SS18L1: variants seen among roughly 807,000 people sequenced by gnomAD.
The protein encoded by SS18L1 is SS18L1 subunit of BAF chromatin remodeling complex, also known as calcium-responsive transactivator.
A neutral mutation model predicts 70.3 loss-of-function variants in SS18L1; 32 were observed. The ratio of observed to expected loss-of-function variants is 0.46; its 90% CI spans 0.34 to 0.61. The LOEUF (loss-of-function observed/expected upper bound fraction) is 0.61, where lower values mean the gene tolerates loss of function less well. Among genes scored for constraint, SS18L1 ranks in the 20% least tolerant of loss-of-function variants. The pLI is 0.01. For synonymous variants in SS18L1, 237 were observed against 229.7 expected (o/e 1.03, Z -0.29); for missense variants, 430 against 542.1 (o/e 0.79, Z 2.05).
At chr20:62,162,394 C>T (rs554463908) in intron 4 of SS18L1, among the ~76,000 whole-genome samples, 76 of 152,228 alleles carry the variant, frequency 5.0e-4, no homozygotes, top group African/African-American at 1.6e-3. Context: ...CTCCGCCTCC[C>T]GGGTTAAAGC....
At chr20:62,172,833 C>T (rs775005887) in intron 9 of SS18L1, 32 bp downstream of exon 9, 20 of 1,605,272 alleles carry the variant, frequency 1.2e-5, no homozygotes, top group Non-Finnish European at 8.5e-6. Flanking sequence ...CGGGGCCCCC[C>T]AGCGCCCACC....
intron 1 of SS18L1, among the ~76,000 whole-genome samples, chr20:62,146,917 T>C (rs1031848680): frequency 2.6e-5 from 4 of 152,040 alleles, no homozygotes; most frequent in African/African-American, 9.7e-5. Context: ...TGAGCCACCA[T>C]GCCTGGCCTC....
At position 62,144,345 on chromosome 20, in the gene SS18L1, G is replaced by C. The variant is rs935618253; in HGVS notation, c.69+456G>C. Among the ~76,000 whole-genome samples, 9 of 152,204 alleles carry C rather than the reference G, an allele frequency of 5.9e-5. No individual in the cohort carries two copies. In the South Asian group the frequency reaches 1.9e-3, roughly 31 times the overall value. ...CGACGGCGGGCGGTACTCGTTTTCT[G>C]CGCTCATTTTGGTTAGTGGTGAGGG... On this transcript the variant is annotated intron_variant, in intron 1 of 10. Transcript: ENST00000331758.
intron 8 of SS18L1, 82 bp downstream of exon 8, chr20:62,165,596 C>A: frequency 3.1e-6 from 4 of 1,304,022 alleles, no homozygotes; most frequent in African/African-American, 1.5e-5. Context: ...TAGGAGCACG[C>A]GGTGCCTGCC....
chr20:62,154,333 G>C (rs1345400330), intron 1 of SS18L1: 1 of 1,047,824 alleles, frequency 9.5e-7, no homozygotes, highest in Non-Finnish European at 1.2e-6. Context: ...GGTACAAGGT[G>C]CGTTTTCCTA....
At chr20:62,176,560 A>T (rs892747578) in intron 10 of SS18L1, among the ~76,000 whole-genome samples, 8 of 151,952 alleles carry the variant, frequency 5.3e-5, no homozygotes, top group African/African-American at 1.9e-4. Flanking sequence ...TACACCTGTA[A>T]TTCCAGCACT....
intron 1 of SS18L1, among the ~76,000 whole-genome samples, chr20:62,146,210 C>T (rs546210341): frequency 2.3e-4 from 35 of 152,354 alleles, no homozygotes; most frequent in African/African-American, 7.9e-4. Context: ...ACGTGTTCCG[C>T]GTCTCATGCT....
chr20:62,167,853 TC>T, intron 8 of SS18L1, among the ~76,000 whole-genome samples: 1 of 151,752 alleles, frequency 6.6e-6, no homozygotes. Context: ...TCTTGCCCTA[TC>T]ACCTAGGCTG....
At chr20:62,144,265 C>T (rs1489952729) in intron 1 of SS18L1, among the ~76,000 whole-genome samples, 1 of 151,612 alleles carries the variant, frequency 6.6e-6, no homozygotes, top group Non-Finnish European at 1.5e-5. Context: ...ACGGGGACCC[C>T]TCGGGGCCGG....
At chr20:62,154,418 A>G (rs1358043221) in intron 1 of SS18L1, 1 of 1,043,676 alleles carries the variant, frequency 9.6e-7, no homozygotes, top group Non-Finnish European at 1.2e-6. Context: ...ATTTCTACGC[A>G]GAAGTCTCCC....
chr20:62,160,692 C>T (rs1254509904), intron 3 of SS18L1, among the ~76,000 whole-genome samples: 1 of 152,202 alleles, frequency 6.6e-6, no homozygotes, highest in Non-Finnish European at 1.5e-5. Flanking sequence ...TGACGTATCT[C>T]CTAGTGACCC....
Position 62,159,223 on chromosome 20 carries a change from G to A in SS18L1, c.146+475G>A, listed in dbSNP as rs2057280735. On this transcript the variant is annotated intron_variant, in intron 2 of 10. Coordinates refer to ENST00000331758, the MANE Select transcript of SS18L1 (RefSeq NM_198935.3). The surrounding 1 kb of genome is among the most constrained non-coding windows in gnomAD (Gnocchi z 4.4). ...CCAGGAGACAGCACCTACTCCAGGT[G>A]GGACCTCCTGTGACCCTGTGAACCT... 6.6e-6 allele frequency among the ~76,000 whole-genome samples: 1 copy of A among 152,216 alleles called. No homozygotes were observed. Among genetic ancestry groups the A allele is most frequent in the Non-Finnish European group, 1.5e-5 (1 of 68,046 alleles).
Position 62,146,604 on chromosome 20 carries a change from C to CTTTTTTTTTTTTTTTTTT in SS18L1, c.69+2715_69+2716insTTTTTTTTTTTTTTTTTT, listed in dbSNP as rs1339898731. On this transcript the variant is annotated intron_variant, in intron 1 of 10. Transcript: ENST00000331758. ...GCATCCAGCGTGTCTCTGCTTTGATCATTTTTTTTTTTTTTTTTTTTTGAG... is the reference window on the plus strand; with the variant it reads ...GCATCCAGCGTGTCTCTGCTTTGATCTTTTTTTTTTTTTTTTTTATTTTTTTTTTTTTTTTTTTTTGAG... 7.9e-4 allele frequency among the ~76,000 whole-genome samples: 27 copies of CTTTTTTTTTTTTTTTTTT among 34,150 alleles called. 2 individuals are homozygous for CTTTTTTTTTTTTTTTTTT. Among genetic ancestry groups the CTTTTTTTTTTTTTTTTTT allele is most frequent in the African/African-American group, 2.5e-3 (21 of 8,408 alleles). 22.4% of individuals were successfully genotyped at this position (34,150 alleles called of 152,430 possible).
chr20:62,177,411 ACAT>A (rs1272844253), intron 10 of SS18L1, among the ~76,000 whole-genome samples: 2 of 152,182 alleles, frequency 1.3e-5, no homozygotes, highest in Non-Finnish European at 2.9e-5. Flanking sequence ...GAGCAGAAAG[ACAT>A]CAGAACAGAC....
In SS18L1 at chr20:62,179,290, G is replaced by C; in HGVS notation, c.*82G>C. 1 of 1,522,884 alleles carries C rather than the reference G, an allele frequency of 6.6e-7. No homozygotes were observed. Among genetic ancestry groups the C allele is most frequent in the Non-Finnish European group, 9.1e-7 (1 of 1,098,264 alleles). The allele number at this position is 1,522,884 out of a possible 1,614,324, so 94.3% of individuals were successfully genotyped here. A position where few individuals can be genotyped will look rare whatever the true frequency, so the allele number is the denominator to read the frequency against. On this transcript the variant is annotated 3_prime_UTR_variant, in exon 11 of 11. Coordinates refer to ENST00000331758, the MANE Select transcript of SS18L1 (RefSeq NM_198935.3). ...GGGCTGGCGGCAGCTCTGGTGAATTGTGACATGTTGGTTACCTGTTCGCCC... is the reference window on the plus strand; with the variant it reads ...GGGCTGGCGGCAGCTCTGGTGAATTCTGACATGTTGGTTACCTGTTCGCCC...
At chr20:62,175,867 G>A (rs2057611955) in intron 10 of SS18L1, among the ~76,000 whole-genome samples, 2 of 152,338 alleles carry the variant, frequency 1.3e-5, no homozygotes, top group Admixed American at 6.5e-5. Flanking sequence ...GGAAGGGCAC[G>A]CTGATGAGGC....
rs748478746 is a variant in SS18L1 at position 62,161,612 on chromosome 20, G to A, written c.376+32G>A. The stretch of plus-strand genomic sequence containing the variant: ...GCGGCGGGGGAGGAGGACGTTCCTG[G>A]CTACGAGGCCACCAAGGCAGCCCTT... On this transcript the variant is annotated intron_variant, in intron 4 of 10. Coordinates refer to ENST00000331758, the MANE Select transcript of SS18L1 (RefSeq NM_198935.3). The surrounding 1 kb of genome is among the most constrained non-coding windows in gnomAD (Gnocchi z 4.4). 3.5e-5 allele frequency: 55 copies of A among 1,589,198 alleles called. No homozygotes were observed. The highest frequency in any genetic ancestry group is 4.6e-5 in the Non-Finnish European group (54 of 1,162,102).
At chr20:62,173,700 G>A (rs1327207527) in intron 9 of SS18L1, among the ~76,000 whole-genome samples, 2 of 151,344 alleles carry the variant, frequency 1.3e-5, no homozygotes, top group East Asian at 3.9e-4. Flanking sequence ...AGAGTGAGAC[G>A]ACTCCTCAAA....
Position 62,174,678 on chromosome 20 carries a change from C to T in SS18L1, c.1164+34C>T. 9.9e-6 allele frequency: 16 copies of T among 1,613,164 alleles called. No individual in the cohort carries two copies. The highest frequency in any genetic ancestry group is 1.4e-5 in the Non-Finnish European group (16 of 1,179,992). ...TCTGGATGTTTCCAGATGTGCCCAT[C>T]CGCCGCGCCTGTCGAGACATAATGA... On this transcript the variant is annotated intron_variant, in intron 10 of 10. Coordinates refer to ENST00000331758, the MANE Select transcript of SS18L1 (RefSeq NM_198935.3). This position sits in a 1 kb window ranked among gnomAD's most constrained non-coding sequence, Gnocchi z 4.1.
Sources: gnomAD v4.1 joint callset for allele counts (sites outside exome capture counted in the v4.1 genomes callset) on GRCh38, gnomAD v4.1.1 for gene constraint, Gnocchi (gnomAD v3.1) non-coding constraint, MANE v1.5 for transcripts, NCBI Gene and HGNC (gene_info 2026-07-23, HGNC 2026-07-21) for gene names.